ANKH: variants seen among roughly 807,000 people sequenced by gnomAD.
ANKH encodes the protein mineralization regulator ANKH.
In ANKH, 15 loss-of-function variants were observed where a neutral mutation model predicts 49.0. The ratio of observed to expected loss-of-function variants is 0.31; its 90% CI spans 0.20 to 0.47. The LOEUF (loss-of-function observed/expected upper bound fraction) is 0.47, where lower values mean the gene tolerates loss of function less well. ANKH is among the 20% of genes least tolerant of loss of function. ANKH has a pLI of 1.00. For synonymous variants in ANKH, 273 were observed against 260.0 expected (o/e 1.05, Z -0.48); for missense variants, 429 against 652.0 (o/e 0.66, Z 3.72).
chr5:14,711,619 G>A (rs553363758), intron 11 of ANKH, among the ~76,000 whole-genome samples: 41 of 152,190 alleles, frequency 2.7e-4, no homozygotes, highest in East Asian at 2.3e-3. Context: ...CGCTCTCCCC[G>A]ACTCCTCACA....
intron 1 of ANKH, among the ~76,000 whole-genome samples, chr5:14,846,614 T>C (rs1468245285): frequency 6.6e-6 from 1 of 152,248 alleles, no homozygotes; most frequent in African/African-American, 2.4e-5. Context: ...CTGTTTCTAC[T>C]AGAGATCTAT....
intron 1 of ANKH, among the ~76,000 whole-genome samples, chr5:14,781,481 C>A (rs1561052512): frequency 6.6e-6 from 1 of 152,324 alleles, no homozygotes; most frequent in South Asian, 2.1e-4. Context: ...CAACCAAGCA[C>A]GGTACAACGA....
chr5:14,714,966 G>A (rs1737389140), intron 9 of ANKH, among the ~76,000 whole-genome samples: 1 of 152,218 alleles, frequency 6.6e-6, no homozygotes, highest in Non-Finnish European at 1.5e-5. Context: ...ACCTTCCAGA[G>A]CTTGGTTCGC....
chr5:14,854,004 C>A (rs1742190165), intron 1 of ANKH, among the ~76,000 whole-genome samples: 1 of 152,198 alleles, frequency 6.6e-6, no homozygotes, highest in Non-Finnish European at 1.5e-5. Flanking sequence ...AACGATGATG[C>A]AGAGAAATTT....
At chr5:14,837,737 C>T (rs1299129482) in intron 1 of ANKH, among the ~76,000 whole-genome samples, 1 of 152,150 alleles carries the variant, frequency 6.6e-6, no homozygotes, top group African/African-American at 2.4e-5. Context: ...GGATCTAGAA[C>T]TAGAAATACC....
At chr5:14,801,370 G>C (rs949108204) in intron 1 of ANKH, among the ~76,000 whole-genome samples, 18 of 152,140 alleles carry the variant, frequency 1.2e-4, no homozygotes, top group African/African-American at 4.3e-4. Flanking sequence ...TTCTAAAACA[G>C]TGTAGGTTTG....
intron 1 of ANKH, among the ~76,000 whole-genome samples, chr5:14,808,754 A>C: frequency 7.0e-6 from 1 of 142,920 alleles, no homozygotes; most frequent in East Asian, 2.0e-4. Flanking sequence ...AACTAGTTCA[A>C]CCATTGTGGA....
chr5:14,837,040 T>C (rs1334977472), intron 1 of ANKH, among the ~76,000 whole-genome samples: 3 of 152,172 alleles, frequency 2.0e-5, no homozygotes, highest in Admixed American at 6.5e-5. Flanking sequence ...ATTTAATAAA[T>C]GGTGCTGGGA....
intron 9 of ANKH, among the ~76,000 whole-genome samples, chr5:14,716,176 T>G (rs983501652): frequency 1.1e-4 from 17 of 152,278 alleles, no homozygotes; most frequent in Admixed American, 9.8e-4. Flanking sequence ...TCTACTTCCT[T>G]TTTACTGTTT....
intron 11 of ANKH, 143 bp downstream of exon 11, chr5:14,712,731 C>T: frequency 2.4e-6 from 2 of 818,944 alleles, no homozygotes; most frequent in Non-Finnish European, 4.0e-6. Context: ...GGCTTCCAGC[C>T]ACCCTAAGCC....
At chr5:14,782,579 G>T (rs919849956) in intron 1 of ANKH, among the ~76,000 whole-genome samples, 1 of 152,114 alleles carries the variant, frequency 6.6e-6, no homozygotes, top group Non-Finnish European at 1.5e-5. Context: ...GATCAAAGAG[G>T]ACTTTTGACT....
chr5:14,830,360 T>C (rs1407122888), intron 1 of ANKH, among the ~76,000 whole-genome samples: 1 of 152,068 alleles, frequency 6.6e-6, no homozygotes, highest in Non-Finnish European at 1.5e-5. Flanking sequence ...TGACCGAAGG[T>C]GGCGACAGCA....
rs141071196 is a variant in ANKH at position 14,725,253 on chromosome 5, C to T, written c.1012-8418G>A. Among the ~76,000 whole-genome samples the T allele has an allele frequency of 5.9e-3, 900 of 152,278 alleles. 4 individuals are homozygous for T. Among genetic ancestry groups the T allele is most frequent in the African/African-American group, 0.02 (841 of 41,548 alleles). On this transcript the variant is annotated intron_variant, in intron 8 of 11. Transcript: ENST00000284268. The surrounding 1 kb of genome is among the most constrained non-coding windows in gnomAD (Gnocchi z 4.0). ...CCAGCCTCAGCTCTCTTCTTTCAAA[C>T]GGGGATGGTGTCTCCCTCACAGGGA...
In ANKH at chr5:14,748,410, G is replaced by A. The variant is rs150879318; in HGVS notation, c.822+762C>T. ...GGCCGCTCCCCTCAAGGCAGTGCCT[G>A]GACAGGGGGCCCTCGTGGGCAGCCA... On this transcript the variant is annotated intron_variant, in intron 6 of 11. Coordinates refer to ENST00000284268, the MANE Select transcript of ANKH (RefSeq NM_054027.6). 2.2e-3 allele frequency among the ~76,000 whole-genome samples: 329 copies of A among 152,360 alleles called. 1 individual carries two copies. The highest frequency in any genetic ancestry group is 0.01 in the Middle Eastern group (3 of 294).
chr5:14,843,899 A>G (rs1325894170), intron 1 of ANKH, among the ~76,000 whole-genome samples: 1 of 152,238 alleles, frequency 6.6e-6, no homozygotes, highest in African/African-American at 2.4e-5. Context: ...CATATAAGGT[A>G]TGTAAATATA....
chr5:14,801,443 A>T (rs1740564611), intron 1 of ANKH, among the ~76,000 whole-genome samples: 2 of 152,208 alleles, frequency 1.3e-5, no homozygotes, highest in Admixed American at 6.5e-5. Flanking sequence ...TTTCTTCCAG[A>T]TGTTAATAGG....
chr5:14,799,094 G>C (rs1243985955), intron 1 of ANKH, among the ~76,000 whole-genome samples: 1 of 152,222 alleles, frequency 6.6e-6, no homozygotes, highest in Non-Finnish European at 1.5e-5. Flanking sequence ...TGCTGATACG[G>C]AGAAAGTTTG....
In ANKH at chr5:14,716,761, G is replaced by A. The variant is rs369763387; in HGVS notation, c.1086C>T (p.Ala362=). 6.2e-7 allele frequency: 1 copy of A among 1,614,040 alleles called. No homozygotes were observed. Among genetic ancestry groups the A allele is most frequent in the African/African-American group, 1.3e-5 (1 of 74,934 alleles). ...ILIDIIGVDF[A]FAELCVVPLR... is the part of the protein sequence containing the mutation. ...AAGGAACAACACAGAGTTCTGCAAA[G>A]GCAAAGTCCACTCCGATGATGTCTA... Residue 362 remains alanine, a synonymous_variant, in exon 9 of 12, where the codon GCC becomes GCT. Coordinates refer to ENST00000284268, the MANE Select transcript of ANKH (RefSeq NM_054027.6).
chr5:14,798,439 T>C, intron 1 of ANKH: 1 of 1,523,476 alleles, frequency 6.6e-7, no homozygotes, highest in Non-Finnish European at 8.9e-7. Context: ...GGGTCGAGCG[T>C]TGTGGGAGGG....
Sources: allele counts gnomAD v4.1 joint callset (sites outside exome capture counted in the v4.1 genomes callset), GRCh38; gene constraint gnomAD v4.1.1; non-coding constraint Gnocchi (gnomAD v3.1); transcripts MANE v1.5; gene names NCBI Gene and HGNC (gene_info 2026-07-23, HGNC 2026-07-21).